Variants in MAP3K7 observed in about 807,000 individuals in gnomAD.
MAP3K7 encodes mitogen-activated protein kinase kinase kinase 7, also known as TGF-beta activated kinase 1.
Under a neutral mutation model 84.8 loss-of-function variants are expected in MAP3K7, and 21 were observed. The observed-to-expected ratio is 0.25, with a 90% CI of 0.18 to 0.36. The LOEUF is 0.36. Among genes scored for constraint, MAP3K7 ranks in the 10% least tolerant of loss-of-function variants. The probability of loss-of-function intolerance (pLI) is 1.00; values close to 1 mark genes in which losing one functional copy is unlikely to be tolerated. For missense variants in MAP3K7, 503 were observed against 747.7 expected (o/e 0.67, Z 3.82); for synonymous variants, 241 against 247.7 (o/e 0.97, Z 0.25).
At chr6:90,532,326 G>A (rs538172220) in intron 13 of MAP3K7, among the ~76,000 whole-genome samples, 1 of 152,006 alleles carries the variant, frequency 6.6e-6, no homozygotes. Flanking sequence ...GTGATATCAA[G>A]AGCCCGGTGA....
intron 3 of MAP3K7, among the ~76,000 whole-genome samples, chr6:90,566,980 T>C (rs192257758): frequency 1.3e-5 from 2 of 152,276 alleles, no homozygotes; most frequent in Admixed American, 1.3e-4. Context: ...CCCCATTTAA[T>C]AAATGGTGCT....
chr6:90,565,910 T>C (rs552130450), intron 3 of MAP3K7, among the ~76,000 whole-genome samples: 1 of 152,154 alleles, frequency 6.6e-6, no homozygotes, highest in Admixed American at 6.5e-5. Context: ...TGGTTCAACA[T>C]ACACATATCA....
At chr6:90,520,897 G>C (rs972203824) in intron 14 of MAP3K7, among the ~76,000 whole-genome samples, 11 of 151,936 alleles carry the variant, frequency 7.2e-5, no homozygotes, top group African/African-American at 2.7e-4. Context: ...AAATTTAAGT[G>C]TCTTGAAAAA....
Position 90,515,772 on chromosome 6 carries a change from C to T in MAP3K7, c.*729G>A, listed in dbSNP as rs966433176. Reference sequence around the variant, plus strand: ...AAGCTTTACAGTTTCAACACACATACACACAATCACAGAATTAAAAATCTT... The same window carrying T: ...AAGCTTTACAGTTTCAACACACATATACACAATCACAGAATTAAAAATCTT... On this transcript the variant is annotated 3_prime_UTR_variant, in exon 17 of 17. Coordinates refer to ENST00000369329, the MANE Select transcript of MAP3K7 (RefSeq NM_145331.3). 6.6e-6 allele frequency: 1 copy of T among 151,844 alleles called. No individual in the cohort carries two copies. Among genetic ancestry groups the T allele is most frequent in the Admixed American group, 6.6e-5 (1 of 15,218 alleles). 9.4% of individuals were successfully genotyped at this position (151,844 alleles called of 1,614,324 possible). A position where few individuals can be genotyped will look rare whatever the true frequency, so the allele number is the denominator to read the frequency against.
chr6:90,586,301 A>C, intron 1 of MAP3K7, among the ~76,000 whole-genome samples: 1 of 148,278 alleles, frequency 6.7e-6, no homozygotes, highest in South Asian at 2.1e-4. Context: ...GAACCCGGGA[A>C]GCGGAGCTTG....
chr6:90,518,769 A>G (rs1233966894), intron 15 of MAP3K7, among the ~76,000 whole-genome samples: 2 of 151,860 alleles, frequency 1.3e-5, no homozygotes, highest in Non-Finnish European at 2.9e-5. Context: ...CTGTTTTAAC[A>G]GTCTGTTACA....
intron 12 of MAP3K7, among the ~76,000 whole-genome samples, chr6:90,543,201 T>C (rs910614528): frequency 1.3e-5 from 2 of 152,072 alleles, no homozygotes; most frequent in South Asian, 4.1e-4. Context: ...TGTTAATTTC[T>C]GAAGCAGTCC....
chr6:90,552,938 C>A (rs983465005), intron 7 of MAP3K7, among the ~76,000 whole-genome samples: 1 of 152,166 alleles, frequency 6.6e-6, no homozygotes, highest in Non-Finnish European at 1.5e-5. Context: ...CCTCTCTAGG[C>A]CTCAGTTTCC....
At chr6:90,520,129 A>T (rs1775099360) in intron 14 of MAP3K7, among the ~76,000 whole-genome samples, 1 of 152,052 alleles carries the variant, frequency 6.6e-6, no homozygotes, top group Non-Finnish European at 1.5e-5. Context: ...AAGTAAACAG[A>T]GTAACTCTGA....
chr6:90,548,712 T>G (rs1031136941), intron 9 of MAP3K7, among the ~76,000 whole-genome samples: 1 of 150,688 alleles, frequency 6.6e-6, no homozygotes, highest in Admixed American at 6.7e-5. Context: ...ACTCCAACAT[T>G]TCTAGGTTGG....
intron 1 of MAP3K7, among the ~76,000 whole-genome samples, chr6:90,574,121 G>A (rs9345032): frequency 0.04 from 6,034 of 152,222 alleles, 152 homozygotes; most frequent in African/African-American, 0.065. Flanking sequence ...TGTTTTCTCA[G>A]CAGTAAAATA....
intron 13 of MAP3K7, among the ~76,000 whole-genome samples, chr6:90,525,357 A>G (rs1273093278): frequency 2.6e-5 from 4 of 152,152 alleles, no homozygotes; most frequent in Non-Finnish European, 5.9e-5. Context: ...TTTTTTAAAA[A>G]CTAATTTTTT....
At chr6:90,559,698 A>C (rs1455203895) in intron 5 of MAP3K7, among the ~76,000 whole-genome samples, 1 of 152,176 alleles carries the variant, frequency 6.6e-6, no homozygotes, top group Non-Finnish European at 1.5e-5. Flanking sequence ...TTTCTGTAGA[A>C]TGTTTATGTG....
At chr6:90,517,717 TTCTC>T (rs1301293088) in intron 16 of MAP3K7, among the ~76,000 whole-genome samples, 1 of 151,814 alleles carries the variant, frequency 6.6e-6, no homozygotes, top group Non-Finnish European at 1.5e-5. Context: ...AAACAATTTT[TTCTC>T]TCTTTTTTTT....
rs1775445427 is a variant in MAP3K7 at position 90,529,820 on chromosome 6, T to C, written c.1357-6037A>G. ...ACCTCTTAAGGGCAGAGACCATGCGTACTTTTTATATTGTACTTCCCAGGA... is the reference window on the plus strand; with the variant it reads ...ACCTCTTAAGGGCAGAGACCATGCGCACTTTTTATATTGTACTTCCCAGGA... On this transcript the variant is annotated intron_variant, in intron 13 of 16. Transcript: ENST00000369329. 2.0e-5 allele frequency among the ~76,000 whole-genome samples: 3 copies of C among 152,226 alleles called. No individual in the cohort carries two copies. In the South Asian group the frequency reaches 6.2e-4, roughly 32 times the overall value.
chr6:90,521,887 A>G (rs992925319), intron 14 of MAP3K7, among the ~76,000 whole-genome samples: 1 of 152,134 alleles, frequency 6.6e-6, no homozygotes, highest in Non-Finnish European at 1.5e-5. Context: ...GAAAATATAC[A>G]AAAACCTCTC....
chr6:90,534,785 G>A (rs1235630670), intron 13 of MAP3K7, among the ~76,000 whole-genome samples: 1 of 152,184 alleles, frequency 6.6e-6, no homozygotes, highest in African/African-American at 2.4e-5. Context: ...CTTAGGACAA[G>A]CTTCTCATTC....
At chr6:90,544,860 G>T (rs1775955607) in intron 11 of MAP3K7, among the ~76,000 whole-genome samples, 1 of 151,476 alleles carries the variant, frequency 6.6e-6, no homozygotes, top group African/African-American at 2.4e-5. Flanking sequence ...TTAATTAGCA[G>T]AAAAAAATAA....
rs1776147232 is a variant in MAP3K7 at position 90,550,532 on chromosome 6, A to C, written c.885T>G (p.Asp295Glu). 6.2e-7 allele frequency: 1 copy of C among 1,609,830 alleles called. No homozygotes were observed. Among genetic ancestry groups the C allele is most frequent in the African/African-American group, 1.3e-5 (1 of 74,836 alleles). ...ACTGACAAGGATACTGTAATGGCTC[A>C]TCTGCTCCTGGAAAGTACTATATAT... ...THLMRYFPGA[D>E]EPLQYPCQYS... The change falls in exon 9 of 17, where the codon GAT (aspartate) becomes GAG (glutamate). Residue 295 changes from aspartate to glutamate, a missense_variant. By Grantham distance (45) the Asp-to-Glu change is conservative (BLOSUM62 2). Transcript: ENST00000369329.
Sources: gnomAD v4.1 joint callset for allele counts (sites outside exome capture counted in the v4.1 genomes callset) on GRCh38, gnomAD v4.1.1 for gene constraint, MANE v1.5 for transcripts, NCBI Gene and HGNC (gene_info 2026-07-23, HGNC 2026-07-21) for gene names.